Variants in WDR33 observed in about 807,000 individuals in gnomAD.
The protein encoded by WDR33 is pre-mRNA 3' end processing protein WDR33.
In WDR33, 47 loss-of-function variants were observed where a neutral mutation model predicts 164.9. That is an observed-to-expected ratio of 0.29 (90% CI 0.23 to 0.36). The LOEUF (loss-of-function observed/expected upper bound fraction) is 0.36, where lower values mean the gene tolerates loss of function less well. WDR33 is among the 10% of genes least tolerant of loss of function. The probability of loss-of-function intolerance (pLI) is 1.00; values close to 1 mark genes in which losing one functional copy is unlikely to be tolerated. For missense variants in WDR33, 1,137 were observed against 1,754.1 expected, an observed-to-expected ratio of 0.65 and a Z score of 6.28; for synonymous variants, 505 against 589.0, an observed-to-expected ratio of 0.86 and a Z score of 2.06.
Position 127,724,861 on chromosome 2 carries a change from TACTTTTTC to T in WDR33, c.1085+18_1085+25del. The stretch of plus-strand genomic sequence containing the variant: ...CACGTGCTCTCTTCACAAAATACAC[TACTTTTTC>T]ACATAAATCTTACATACCCAACATG... On this transcript the variant is annotated intron_variant, in intron 10 of 21. Transcript: ENST00000322313. The surrounding 1 kb of genome is among the most constrained non-coding windows in gnomAD (Gnocchi z 4.8). 3 of 1,612,428 alleles carry T rather than the reference TACTTTTTC, an allele frequency of 1.9e-6. No individual in the cohort carries two copies. Among genetic ancestry groups the T allele is most frequent in the Non-Finnish European group, 2.5e-6 (3 of 1,178,480 alleles).
chr2:127,805,166 C>T (rs1026369956), intron 1 of WDR33, among the ~76,000 whole-genome samples: 1 of 149,818 alleles, frequency 6.7e-6, no homozygotes, highest in Admixed American at 6.7e-5. Context: ...CAGCCTCCAC[C>T]TCTCTGGCTC....
chr2:127,794,393 G>C (rs948690532), intron 1 of WDR33, among the ~76,000 whole-genome samples: 1 of 151,386 alleles, frequency 6.6e-6, no homozygotes, highest in Admixed American at 6.6e-5. Context: ...CCAGCTACTC[G>C]GGGGGCTGAG....
At chr2:127,783,680 C>A (rs1328086838) in intron 1 of WDR33, among the ~76,000 whole-genome samples, 1 of 140,102 alleles carries the variant, frequency 7.1e-6, no homozygotes, top group Non-Finnish European at 1.5e-5. Context: ...TCTCGGCTCA[C>A]TGCGACCTCC....
chr2:127,777,968 T>C (rs1204362409), intron 1 of WDR33, among the ~76,000 whole-genome samples: 1 of 152,098 alleles, frequency 6.6e-6, no homozygotes, highest in Non-Finnish European at 1.5e-5. Context: ...ATCTTAGTCA[T>C]GTGATGATAC....
At position 127,720,976 on chromosome 2, in the gene WDR33, A is replaced by T. The variant is rs1268899889; in HGVS notation, c.1672-623T>A. Reference sequence around the variant, plus strand: ...ATAAGAACAAGCTACCTGCTATATGAGCAGACAAAAAGGAAAAACTCTTTC... The same window carrying T: ...ATAAGAACAAGCTACCTGCTATATGTGCAGACAAAAAGGAAAAACTCTTTC... On this transcript the variant is annotated intron_variant, in intron 15 of 21. Transcript: ENST00000322313. This position sits in a 1 kb window ranked among gnomAD's most constrained non-coding sequence, Gnocchi z 5.9. 6.6e-6 allele frequency among the ~76,000 whole-genome samples: 1 copy of T among 152,258 alleles called. No individual in the cohort carries two copies. The highest frequency in any genetic ancestry group is 1.5e-5 in the Non-Finnish European group (1 of 68,048).
In WDR33 at chr2:127,711,772, A is replaced by ATTT. The variant is rs1419760091; in HGVS notation, c.3308+1810_3308+1811insAAA. Among the ~76,000 whole-genome samples, 124 of 87,688 alleles carry ATTT rather than the reference A, an allele frequency of 1.4e-3. 2 individuals carry two copies. The highest frequency in any genetic ancestry group is 6.6e-3 in the East Asian group (23 of 3,506). The allele number at this position is 87,688 out of a possible 152,430, so 57.5% of individuals were successfully genotyped here. The stretch of plus-strand genomic sequence containing the variant: ...TACAGATATATATATATATATATAT[A>ATTT]TATATATATTTTTTTTTTGAGACAG... On this transcript the variant is annotated intron_variant, in intron 18 of 21. Coordinates refer to ENST00000322313, the MANE Select transcript of WDR33 (RefSeq NM_018383.5).
At chr2:127,743,651 T>C (rs1400457606) in intron 7 of WDR33, among the ~76,000 whole-genome samples, 1 of 152,202 alleles carries the variant, frequency 6.6e-6, no homozygotes, top group African/African-American at 2.4e-5. Flanking sequence ...GGAAACACAT[T>C]GAGAGGCACA....
Position 127,764,317 on chromosome 2 carries a change from G to C in WDR33, c.626+511C>G, listed in dbSNP as rs998802821. Reference sequence around the variant, plus strand: ...CCCATTCATTACTCCGTTAATGTTTGCCACATCCAGTTATCTGTGAGGGTT... The same window carrying C: ...CCCATTCATTACTCCGTTAATGTTTCCCACATCCAGTTATCTGTGAGGGTT... On this transcript the variant is annotated intron_variant, in intron 6 of 21. Transcript: ENST00000322313. The surrounding 1 kb of genome is among the most constrained non-coding windows in gnomAD (Gnocchi z 6.2). The C allele has an allele frequency of 2.6e-5, 35 of 1,344,116 alleles. No homozygotes were observed. Among genetic ancestry groups the C allele is most frequent in the Middle Eastern group, 5.6e-4 (2 of 3,582 alleles). 83.3% of individuals were successfully genotyped at this position (1,344,116 alleles called of 1,614,324 possible).
At chr2:127,787,917 C>A (rs1573461756) in intron 1 of WDR33, among the ~76,000 whole-genome samples, 1 of 52,426 alleles carries the variant, frequency 1.9e-5, no homozygotes, top group Non-Finnish European at 3.6e-5. Context: ...CCCTCCCGGA[C>A]GGGGCGGCTG....
chr2:127,706,326 C>A lies in WDR33; in HGVS notation c.4008G>T (p.Arg1336=). 6.4e-7 allele frequency: 1 copy of A among 1,560,480 alleles called. No homozygotes were observed. Among genetic ancestry groups the A allele is most frequent in the Non-Finnish European group, 8.7e-7 (1 of 1,154,546 alleles). The change falls in exon 22 of 22, where the codon CGG becomes CGT. Residue 1336 remains arginine, a synonymous_variant. Coordinates refer to ENST00000322313, the MANE Select transcript of WDR33 (RefSeq NM_018383.5). The surrounding 1 kb of genome is among the most constrained non-coding windows in gnomAD (Gnocchi z 5.1). ...RGASRGGGRG[R] The stretch of plus-strand genomic sequence containing the variant: ...TCAGGGTACTCAGTTCCAGCTTCTA[C>A]CGACCCCTTCCACCACCCCGTGAAG...
chr2:127,764,481 T>A lies in WDR33; in HGVS notation c.626+347A>T. On this transcript the variant is annotated intron_variant, in intron 6 of 21. Coordinates refer to ENST00000322313, the MANE Select transcript of WDR33 (RefSeq NM_018383.5). This position sits in a 1 kb window ranked among gnomAD's most constrained non-coding sequence, Gnocchi z 6.2. ...TTTATTCAGTTGCATAATTAAAGACTGAATTCTTTATTTGGAATGAAATAT... is the reference window on the plus strand; with the variant it reads ...TTTATTCAGTTGCATAATTAAAGACAGAATTCTTTATTTGGAATGAAATAT... 1 of 1,478,790 alleles carries A rather than the reference T, an allele frequency of 6.8e-7. No individual in the cohort carries two copies. The highest frequency in any genetic ancestry group is 1.4e-5 in the South Asian group (1 of 69,308). 91.6% of individuals were successfully genotyped at this position (1,478,790 alleles called of 1,614,324 possible). A position where few individuals can be genotyped will look rare whatever the true frequency, so the allele number is the denominator to read the frequency against.
rs113206268 is a variant in WDR33 at position 127,722,924 on chromosome 2, T to C, written c.1378+34A>G. On this transcript the variant is annotated intron_variant, in intron 13 of 21. Transcript: ENST00000322313. This position sits in a 1 kb window ranked among gnomAD's most constrained non-coding sequence, Gnocchi z 5.1. ...CATAAACGGGTCAAGAAAAAATTTG[T>C]AAAAATTAAATGTGTCTGTGTAACT... 66 of 1,569,186 alleles carry C rather than the reference T, an allele frequency of 4.2e-5. No homozygotes were observed. The highest frequency in any genetic ancestry group is 5.4e-5 in the Non-Finnish European group (63 of 1,160,956).
chr2:127,744,308 T>G (rs1413593069), intron 7 of WDR33, among the ~76,000 whole-genome samples: 1 of 152,196 alleles, frequency 6.6e-6, no homozygotes, highest in Non-Finnish European at 1.5e-5. Flanking sequence ...GGAAGCTTAG[T>G]GCACAACTGT....
At chr2:127,733,307 C>G (rs774700131) in intron 7 of WDR33, among the ~76,000 whole-genome samples, 1 of 152,192 alleles carries the variant, frequency 6.6e-6, no homozygotes, top group Admixed American at 6.5e-5. Flanking sequence ...TGACAGGAGT[C>G]TATAGGTAGA....
chr2:127,752,735 A>C (rs1442483825), intron 7 of WDR33, among the ~76,000 whole-genome samples: 1 of 152,178 alleles, frequency 6.6e-6, no homozygotes, highest in Non-Finnish European at 1.5e-5. Flanking sequence ...TCCACAAAAC[A>C]TTTCTGAAGA....
chr2:127,786,844 C>CTTTTTTTTTTTTTT (rs71307273), intron 1 of WDR33, among the ~76,000 whole-genome samples: 7 of 111,840 alleles, frequency 6.3e-5, no homozygotes, highest in Non-Finnish European at 1.1e-4. Context: ...CCTTTCTGTT[C>CTTTTTTTTTTTTTT]TTTTTTTTTT....
rs1687968326 is a variant in WDR33, at chr2:127,770,565, C to A, written c.204+213G>T. Among the ~76,000 whole-genome samples the A allele has an allele frequency of 1.3e-5, 2 of 152,008 alleles. No homozygotes were observed. Among genetic ancestry groups the A allele is most frequent in the African/African-American group, 4.8e-5 (2 of 41,356 alleles). ...AATTAGCCGGGCATGGTAGCAGGTG[C>A]CTATAATCCCAGCTACTTGGGAAGC... On this transcript the variant is annotated intron_variant, in intron 2 of 21. Transcript: ENST00000322313. The surrounding 1 kb of genome is among the most constrained non-coding windows in gnomAD (Gnocchi z 4.9).
intron 4 of WDR33, 84 bp downstream of exon 4, chr2:127,768,105 G>T: frequency 1.3e-6 from 1 of 799,872 alleles, no homozygotes. Flanking sequence ...TTAAAATAAT[G>T]TTTAATTTTC....
Position 127,735,909 on chromosome 2 carries a change from C to G in WDR33, c.725-9132G>C. ...CTTTGTTGTCCAGTCTAGAAAGTTA[C>G]ATCAGTGAAAAACTATAGAATTAAA... On this transcript the variant is annotated intron_variant, in intron 7 of 21. Transcript: ENST00000322313. This position sits in a 1 kb window ranked among gnomAD's most constrained non-coding sequence, Gnocchi z 4.3. The G allele has an allele frequency of 1.0e-6, 1 of 985,410 alleles. No individual in the cohort carries two copies. The allele number at this position is 985,410 out of a possible 1,614,324, so 61.0% of individuals were successfully genotyped here. A position where few individuals can be genotyped will look rare whatever the true frequency, so the allele number is the denominator to read the frequency against.
Sources: gnomAD v4.1 joint callset for allele counts (sites outside exome capture counted in the v4.1 genomes callset) on GRCh38, gnomAD v4.1.1 for gene constraint, Gnocchi (gnomAD v3.1) non-coding constraint, MANE v1.5 for transcripts, NCBI Gene and HGNC (gene_info 2026-07-23, HGNC 2026-07-21) for gene names.